The following LRRTM3 variants were observed in gnomAD, a reference collection of about 807,000 sequenced individuals.
LRRTM3 encodes leucine-rich repeat transmembrane neuronal protein 3.
Under a neutral mutation model 44.7 loss-of-function variants are expected in LRRTM3, and 24 were observed. The ratio of observed to expected loss-of-function variants is 0.54; its 90% CI spans 0.39 to 0.76. The LOEUF (loss-of-function observed/expected upper bound fraction) is 0.76. Among genes scored for constraint, LRRTM3 ranks in the 30% least tolerant of loss-of-function variants. The pLI is 0.00. For missense variants in LRRTM3, 587 were observed against 702.2 expected (o/e 0.84, Z 1.85); for synonymous variants, 277 against 278.7 (o/e 0.99, Z 0.06).
At position 67,072,760 on chromosome 10, in the gene LRRTM3, C is replaced by T. The variant is rs76527443; in HGVS notation, c.1537-24827C>T. 0.01 allele frequency among the ~76,000 whole-genome samples: 1,556 copies of T among 152,284 alleles called. 63 individuals carry two copies. The East Asian group carries it at 0.14, about 14-fold the overall frequency. The stretch of plus-strand genomic sequence containing the variant: ...TCATTTCTTTATCTTAGGGCCCTAA[C>T]AGCTACAAAATTTGGTAAATATCTT... On this transcript the variant is annotated intron_variant, in intron 2 of 2. Transcript: ENST00000361320.
At chr10:67,079,078 CATA>C (rs937825413) in intron 2 of LRRTM3, among the ~76,000 whole-genome samples, 1 of 152,156 alleles carries the variant, frequency 6.6e-6, no homozygotes, top group Non-Finnish European at 1.5e-5. Flanking sequence ...ACCAATAATT[CATA>C]ATATCTGGGA....
At chr10:66,926,838 G>A (rs943886473) in intron 1 of LRRTM3, 83 bp from the exon 2 acceptor site, 25 of 1,235,962 alleles carry the variant, frequency 2.0e-5, no homozygotes, top group Non-Finnish European at 2.4e-5. Flanking sequence ...TTTTAAAAAT[G>A]AAAAATATAT....
In LRRTM3 at chr10:66,926,287, A is replaced by T; in HGVS notation, c.-297A>T. The T allele has an allele frequency of 2.7e-6, 1 of 374,108 alleles. No individual in the cohort carries two copies. 23.2% of individuals were successfully genotyped at this position (374,108 alleles called of 1,614,324 possible). On this transcript the variant is annotated 5_prime_UTR_variant, in exon 1 of 3. Coordinates refer to ENST00000361320, the MANE Select transcript of LRRTM3 (RefSeq NM_178011.5). ...TTTTTTTTTTAACCGCCCCCTCCCC[A>T]CCCCCCAAAAAACTGTAAAGATGCA...
intron 2 of LRRTM3, among the ~76,000 whole-genome samples, chr10:67,005,763 G>A (rs141626373): frequency 2.5e-4 from 31 of 125,342 alleles, no homozygotes; most frequent in African/African-American, 8.2e-4. Flanking sequence ...TTGACTCACT[G>A]CAACCTCCGC....
intron 2 of LRRTM3, among the ~76,000 whole-genome samples, chr10:66,969,383 G>C (rs1849601876): frequency 6.6e-6 from 1 of 152,046 alleles, no homozygotes; most frequent in African/African-American, 2.4e-5. Flanking sequence ...TCCATAAAAT[G>C]AATGTGCAAT....
chr10:66,967,602 T>C (rs185105530), intron 2 of LRRTM3, among the ~76,000 whole-genome samples: 2 of 152,148 alleles, frequency 1.3e-5, no homozygotes, highest in East Asian at 3.9e-4. Context: ...GGCGGGACTA[T>C]GTAAAACAGT....
intron 2 of LRRTM3, among the ~76,000 whole-genome samples, chr10:66,994,414 AGT>A (rs1851214827): frequency 1.3e-5 from 2 of 152,220 alleles, no homozygotes; most frequent in Admixed American, 1.3e-4. Flanking sequence ...AATGAAGCTC[AGT>A]GTGAGTCTCT....
Position 66,948,146 on chromosome 10 carries a change from T to C in LRRTM3, c.1536+19694T>C, listed in dbSNP as rs144773235. On this transcript the variant is annotated intron_variant, in intron 2 of 2. Transcript: ENST00000361320. The stretch of plus-strand genomic sequence containing the variant: ...ATGTAGTCCCTCATTGGCCACAACA[T>C]TGTTATTGTAGTGCATCACTGTATA... Among the ~76,000 whole-genome samples the C allele has an allele frequency of 3.3e-5, 5 of 152,318 alleles. No homozygotes were observed. The East Asian group carries it at 9.7e-4, about 29-fold the overall frequency.
chr10:67,079,240 G>A (rs1856908072), intron 2 of LRRTM3, among the ~76,000 whole-genome samples: 1 of 152,180 alleles, frequency 6.6e-6, no homozygotes, highest in Non-Finnish European at 1.5e-5. Flanking sequence ...GAAACTCTGT[G>A]TTATAGAACA....
chr10:66,977,423 A>T (rs1307445508), intron 2 of LRRTM3, among the ~76,000 whole-genome samples: 1 of 102,436 alleles, frequency 9.8e-6, no homozygotes, highest in East Asian at 3.2e-4. Flanking sequence ...CGATAGAGTG[A>T]AACTCTGTCT....
At chr10:66,985,964 G>C (rs1024229558) in intron 2 of LRRTM3, among the ~76,000 whole-genome samples, 10 of 152,128 alleles carry the variant, frequency 6.6e-5, no homozygotes, top group African/African-American at 2.2e-4. Flanking sequence ...CTGACCTCAT[G>C]ATCCTCTGGC....
In LRRTM3 at chr10:66,927,934, T is replaced by C; in HGVS notation, c.1018T>C (p.Cys340Arg). 6.2e-7 allele frequency: 1 copy of C among 1,614,258 alleles called. No individual in the cohort carries two copies. Among genetic ancestry groups the C allele is most frequent in the South Asian group, 1.1e-5 (1 of 91,088 alleles). The change falls in exon 2 of 3, where the codon TGT becomes CGT. Residue 340 changes from cysteine to arginine, a missense_variant. By Grantham distance (180) the Cys-to-Arg change is radical. Around this residue, in one of 3 missense-constraint regions of LRRTM3, gnomAD observed 315 missense variants for 335.6 expected, o/e 0.94. Coordinates refer to ENST00000361320, the MANE Select transcript of LRRTM3 (RefSeq NM_178011.5). This position sits in a 1 kb window ranked among gnomAD's most constrained non-coding sequence, Gnocchi z 4.7. The stretch of plus-strand genomic sequence containing the variant: ...AGGTCTAAGGGAGAATACAATTATC[T>C]GTGCCAGTCCCAAAGAGCTGCAAGG... ...FKGLRENTII[C>R]ASPKELQGVN...
At chr10:66,975,118 C>T (rs962474417) in intron 2 of LRRTM3, among the ~76,000 whole-genome samples, 3 of 152,184 alleles carry the variant, frequency 2.0e-5, no homozygotes, top group African/African-American at 7.2e-5. Flanking sequence ...CATTTAAAAT[C>T]GGCATTTCAT....
At chr10:67,095,923 T>C (rs1351686488) in intron 2 of LRRTM3, among the ~76,000 whole-genome samples, 1 of 151,892 alleles carries the variant, frequency 6.6e-6, no homozygotes, top group Non-Finnish European at 1.5e-5. Context: ...ACAAGATTCT[T>C]ATTTATTTTA....
intron 2 of LRRTM3, among the ~76,000 whole-genome samples, chr10:67,053,465 T>C (rs1855237035): frequency 2.6e-5 from 4 of 152,204 alleles, no homozygotes; most frequent in Admixed American, 2.6e-4. Flanking sequence ...TTTTAGATTA[T>C]ATTTGCCAGG....
chr10:66,972,125 T>C (rs1241414190), intron 2 of LRRTM3, among the ~76,000 whole-genome samples: 1 of 152,186 alleles, frequency 6.6e-6, no homozygotes, highest in Non-Finnish European at 1.5e-5. Context: ...CTACTCCTTA[T>C]GATAGAATAT....
At chr10:67,043,135 CTTTTT>C (rs34946963) in intron 2 of LRRTM3, among the ~76,000 whole-genome samples, 1 of 103,754 alleles carries the variant, frequency 9.6e-6, no homozygotes, top group African/African-American at 3.2e-5. Flanking sequence ...CACTTTCTTT[CTTTTT>C]TTTTTTTTTT....
chr10:67,085,627 A>C (rs1192187657), intron 2 of LRRTM3, among the ~76,000 whole-genome samples: 1 of 152,006 alleles, frequency 6.6e-6, no homozygotes, highest in Non-Finnish European at 1.5e-5. Context: ...TTTGTGTCAT[A>C]TAAAAATTTG....
At chr10:66,980,520 G>A (rs1850361352) in intron 2 of LRRTM3, among the ~76,000 whole-genome samples, 1 of 128,422 alleles carries the variant, frequency 7.8e-6, no homozygotes, top group South Asian at 2.2e-4. Context: ...TGTTTCCCAA[G>A]CAAAAATCAG....
Sources: gnomAD v4.1 joint callset for allele counts (sites outside exome capture counted in the v4.1 genomes callset) on GRCh38, gnomAD v4.1.1 for gene constraint, gnomAD v4.1.1 regional missense constraint, Gnocchi (gnomAD v3.1) non-coding constraint, MANE v1.5 for transcripts, NCBI Gene and HGNC (gene_info 2026-07-23, HGNC 2026-07-21) for gene names.